UBE2E2: variants seen among roughly 807,000 people sequenced by gnomAD.
UBE2E2 encodes the protein ubiquitin-conjugating enzyme E2 E2.
Under a neutral mutation model 24.7 loss-of-function variants are expected in UBE2E2, and 6 were observed. The ratio of observed to expected loss-of-function variants is 0.24; its 90% confidence interval spans 0.13 to 0.48. The LOEUF is 0.48. Among genes scored for constraint, UBE2E2 ranks in the 20% least tolerant of loss-of-function variants. UBE2E2 has a pLI of 0.99. For synonymous variants in UBE2E2, 104 were observed against 83.6 expected, an observed-to-expected ratio of 1.24 and a Z score of -1.33; for missense variants, 169 against 245.0, an observed-to-expected ratio of 0.69 and a Z score of 2.07.
At chr3:23,332,675 GTGTGTGTGTGTGTGTGTGTGTGT>G (rs1695093356) in intron 3 of UBE2E2, among the ~76,000 whole-genome samples, 1 of 106,466 alleles carries the variant, frequency 9.4e-6, no homozygotes, top group Admixed American at 8.1e-5. Context: ...AGCCAGTGGG[GTGTGTGTGTGTGTGTGTGTGTGT>G]GTGTGTGTGT....
intron 3 of UBE2E2, among the ~76,000 whole-genome samples, chr3:23,450,338 C>T (rs1283721166): frequency 1.3e-5 from 2 of 152,074 alleles, no homozygotes; most frequent in African/African-American, 4.8e-5. Context: ...GCTACTGAGT[C>T]CTTGACGTGT....
At chr3:23,225,610 G>A (rs1696798248) in intron 3 of UBE2E2, among the ~76,000 whole-genome samples, 1 of 152,154 alleles carries the variant, frequency 6.6e-6, no homozygotes, top group African/African-American at 2.4e-5. Flanking sequence ...GATCATAAAT[G>A]TGAAGATTTA....
At chr3:23,457,611 A>C (rs187075968) in intron 3 of UBE2E2, among the ~76,000 whole-genome samples, 1 of 151,894 alleles carries the variant, frequency 6.6e-6, no homozygotes, top group African/African-American at 2.4e-5. Flanking sequence ...TGCAGCCTCA[A>C]CCTCCCAGGC....
intron 3 of UBE2E2, among the ~76,000 whole-genome samples, chr3:23,452,061 A>G (rs893602882): frequency 6.6e-6 from 1 of 152,154 alleles, no homozygotes; most frequent in African/African-American, 2.4e-5. Context: ...ATTCTTTGAG[A>G]TGTTTTTCTG....
At chr3:23,310,375 CAGA>C (rs1465324858) in intron 3 of UBE2E2, among the ~76,000 whole-genome samples, 3 of 148,802 alleles carry the variant, frequency 2.0e-5, no homozygotes, top group African/African-American at 7.5e-5. Flanking sequence ...TTTTCAGATT[CAGA>C]AGATTTATAA....
Position 23,452,987 on chromosome 3 carries a change from A to G in UBE2E2, c.228-46621A>G, listed in dbSNP as rs934057334. ...TTCATCCTGTTTTTCCCATAAGTGC[A>G]CTAATACTGCTTAGACTCTATGTCC... is the stretch of plus-strand genomic sequence containing the variant. On this transcript the variant is annotated intron_variant, in intron 3 of 5. Transcript: ENST00000396703. 5.9e-5 allele frequency among the ~76,000 whole-genome samples: 9 copies of G among 152,322 alleles called. No homozygotes were observed. In the East Asian group the frequency reaches 1.5e-3, roughly 26 times the overall value.
intron 3 of UBE2E2, among the ~76,000 whole-genome samples, chr3:23,300,391 C>T (rs1403829613): frequency 2.0e-5 from 3 of 152,166 alleles, no homozygotes; most frequent in African/African-American, 7.2e-5. Context: ...ATGGTCTTTA[C>T]AATTTGGCAT....
chr3:23,287,532 C>T, intron 3 of UBE2E2, among the ~76,000 whole-genome samples: 1 of 152,018 alleles, frequency 6.6e-6, no homozygotes, highest in Non-Finnish European at 1.5e-5. Flanking sequence ...AAAATTCGGC[C>T]TTGAAGCCAT....
intron 3 of UBE2E2, among the ~76,000 whole-genome samples, chr3:23,326,135 G>A (rs549975197): frequency 1.1e-4 from 17 of 152,222 alleles, no homozygotes; most frequent in Middle Eastern, 3.4e-3. Flanking sequence ...GCAGTGGCGC[G>A]ATCTTGGCTC....
At chr3:23,433,138 G>A (rs574776406) in intron 3 of UBE2E2, among the ~76,000 whole-genome samples, 115 of 151,912 alleles carry the variant, frequency 7.6e-4, no homozygotes, top group Middle Eastern at 3.4e-3. Context: ...AATAATTATT[G>A]AATGTCAGTT....
chr3:23,411,254 G>A (rs1265190176), intron 3 of UBE2E2, among the ~76,000 whole-genome samples: 1 of 152,168 alleles, frequency 6.6e-6, no homozygotes, highest in Admixed American at 6.5e-5. Flanking sequence ...AAAGTCAGAA[G>A]CAGTTTGGCT....
chr3:23,511,010 A>T (rs1014183991), intron 4 of UBE2E2, among the ~76,000 whole-genome samples: 1 of 152,214 alleles, frequency 6.6e-6, no homozygotes. Flanking sequence ...TTAAGTAATC[A>T]TGTATGTACC....
chr3:23,414,903 A>G (rs1323373212), intron 3 of UBE2E2, among the ~76,000 whole-genome samples: 1 of 152,214 alleles, frequency 6.6e-6, no homozygotes, highest in Non-Finnish European at 1.5e-5. Flanking sequence ...TAACCTTCAG[A>G]ACTGTGAAAA....
At chr3:23,567,314 T>C (rs1696098978) in intron 5 of UBE2E2, among the ~76,000 whole-genome samples, 1 of 152,190 alleles carries the variant, frequency 6.6e-6, no homozygotes. Flanking sequence ...GGAGAAGCAC[T>C]GTGTGTGGAC....
At position 23,589,300 on chromosome 3, in the gene UBE2E2, G is replaced by A. The variant is rs577471440; in HGVS notation, c.509-434G>A. Among the ~76,000 whole-genome samples, 1 of 151,574 alleles carries A rather than the reference G, an allele frequency of 6.6e-6. No individual in the cohort carries two copies. Among genetic ancestry groups the A allele is most frequent in the African/African-American group, 2.4e-5 (1 of 41,218 alleles). ...CCAGGTGTTGTTGCACACACCTGTG[G>A]TCCCAGCTACTCAGGAGGCTGAGGC... On this transcript the variant is annotated intron_variant, in intron 5 of 5. Transcript: ENST00000396703. This position sits in a 1 kb window ranked among gnomAD's most constrained non-coding sequence, Gnocchi z 4.1.
Position 23,407,281 on chromosome 3 carries a change from A to G in UBE2E2, c.228-92327A>G, listed in dbSNP as rs1697379901. On this transcript the variant is annotated intron_variant, in intron 3 of 5. Coordinates refer to ENST00000396703, the MANE Select transcript of UBE2E2 (RefSeq NM_152653.4). This position sits in a 1 kb window ranked among gnomAD's most constrained non-coding sequence, Gnocchi z 4.0. The stretch of plus-strand genomic sequence containing the variant: ...TTCTGGAAAGAATAAAAAGATTCAG[A>G]TGACATCTGAGACAACCTGGTATAA... Among the ~76,000 whole-genome samples the G allele has an allele frequency of 6.6e-6, 1 of 152,024 alleles. No homozygotes were observed. The highest frequency in any genetic ancestry group is 1.5e-5 in the Non-Finnish European group (1 of 68,012).
At chr3:23,269,453 A>C (rs1455590362) in intron 3 of UBE2E2, among the ~76,000 whole-genome samples, 2 of 152,224 alleles carry the variant, frequency 1.3e-5, no homozygotes, top group Non-Finnish European at 2.9e-5. Flanking sequence ...ATTGAAATAA[A>C]GAAATGTAGA....
intron 3 of UBE2E2, among the ~76,000 whole-genome samples, chr3:23,351,815 G>C (rs150290341): frequency 3.3e-5 from 5 of 152,048 alleles, no homozygotes; most frequent in Admixed American, 1.3e-4. Flanking sequence ...GTCAACATTA[G>C]ACAGATCAAC....
At chr3:23,380,100 A>AAC (rs1696629247) in intron 3 of UBE2E2, among the ~76,000 whole-genome samples, 1 of 150,820 alleles carries the variant, frequency 6.6e-6, no homozygotes, top group Non-Finnish European at 1.5e-5. Context: ...AAAAAAAAAA[A>AAC]AAAACCCTGA....
Sources: gnomAD v4.1 joint callset for allele counts (sites outside exome capture counted in the v4.1 genomes callset) on GRCh38, gnomAD v4.1.1 for gene constraint, Gnocchi (gnomAD v3.1) non-coding constraint, MANE v1.5 for transcripts, NCBI Gene and HGNC (gene_info 2026-07-23, HGNC 2026-07-21) for gene names.